MAGI2: variants seen among roughly 807,000 people sequenced by gnomAD.
MAGI2 encodes membrane associated guanylate kinase, WW and PDZ domain containing 2.
In MAGI2, 35 loss-of-function variants were observed where a neutral mutation model predicts 133.3. The observed-to-expected ratio is 0.26, with a 90% CI of 0.20 to 0.35. The LOEUF is 0.35. Ranked by LOEUF, MAGI2 falls within the 10% of genes least tolerant of loss-of-function variation. MAGI2 has a pLI of 1.00. For synonymous variants in MAGI2, 729 were observed against 710.6 expected (o/e 1.03, Z -0.41); for missense variants, 1,636 against 1,863.4 (o/e 0.88, Z 2.25).
intron 9 of MAGI2, among the ~76,000 whole-genome samples, chr7:78,286,146 G>T (rs904734710): frequency 8.6e-5 from 13 of 152,038 alleles, no homozygotes; most frequent in African/African-American, 3.1e-4. Flanking sequence ...ATTCCTTATT[G>T]TAGGTCAAGG....
At chr7:78,777,640 G>T (rs1441376399) in intron 2 of MAGI2, among the ~76,000 whole-genome samples, 1 of 152,160 alleles carries the variant, frequency 6.6e-6, no homozygotes, top group Non-Finnish European at 1.5e-5. Context: ...GTAAGTGCTA[G>T]CTTTCACCAT....
rs558653372 is a variant in MAGI2 at position 79,242,679 on chromosome 7, T to C, written c.301+210341A>G. On this transcript the variant is annotated intron_variant, in intron 1 of 21. Transcript: ENST00000354212. Reference sequence around the variant, plus strand: ...TATTCTCCATATATTAGTCATGGTTTCCATGTTGTTGAATTGTCCTTTTTT... The same window carrying C: ...TATTCTCCATATATTAGTCATGGTTCCCATGTTGTTGAATTGTCCTTTTTT... Among the ~76,000 whole-genome samples, 18 of 152,346 alleles carry C rather than the reference T, an allele frequency of 1.2e-4. 1 individual carries two copies. The South Asian group carries it at 3.7e-3, about 32-fold the overall frequency.
intron 1 of MAGI2, among the ~76,000 whole-genome samples, chr7:79,421,885 T>C (rs1846982209): frequency 2.0e-5 from 3 of 152,080 alleles, no homozygotes; most frequent in Admixed American, 2.0e-4. Flanking sequence ...TTATCATTTC[T>C]AGTCTCTATA....
chr7:79,223,009 C>G lies in MAGI2; in HGVS notation c.302-215803G>C, dbSNP rs543461357. Among the ~76,000 whole-genome samples the G allele has an allele frequency of 2.4e-4, 36 of 152,066 alleles. No individual in the cohort carries two copies. In the East Asian group the frequency reaches 6.4e-3, roughly 27 times the overall value. On this transcript the variant is annotated intron_variant, in intron 1 of 21. Coordinates refer to ENST00000354212, the MANE Select transcript of MAGI2 (RefSeq NM_012301.4). Reference sequence around the variant, plus strand: ...ACGCCATTCTCCTGCCTCTGCCTCCCGAGTAGCTGGGACTACAGGCACCCG... The same window carrying G: ...ACGCCATTCTCCTGCCTCTGCCTCCGGAGTAGCTGGGACTACAGGCACCCG...
intron 9 of MAGI2, among the ~76,000 whole-genome samples, chr7:78,328,950 T>C (rs957897979): frequency 3.3e-5 from 5 of 152,208 alleles, no homozygotes; most frequent in African/African-American, 9.6e-5. Context: ...GTTATTAACC[T>C]TGGCTTGACG....
At chr7:78,319,660 C>T (rs953803605) in intron 9 of MAGI2, among the ~76,000 whole-genome samples, 3 of 151,940 alleles carry the variant, frequency 2.0e-5, no homozygotes, top group Admixed American at 6.6e-5. Context: ...CACTAAATGC[C>T]CACAAGAGAA....
chr7:78,399,081 A>G (rs17150684), intron 6 of MAGI2, among the ~76,000 whole-genome samples: 31,150 of 152,218 alleles, frequency 0.2, 3,375 homozygotes, highest in South Asian at 0.24. Flanking sequence ...AAAAATGGAT[A>G]TTCATGACAG....
At chr7:79,278,402 T>C (rs891102986) in intron 1 of MAGI2, among the ~76,000 whole-genome samples, 1 of 152,180 alleles carries the variant, frequency 6.6e-6, no homozygotes, top group Admixed American at 6.5e-5. Flanking sequence ...TTTATAGTAA[T>C]GTAAGAACAG....
At position 78,722,066 on chromosome 7, in the gene MAGI2, C is replaced by A. The variant is rs192011293; in HGVS notation, c.419-94827G>T. Among the ~76,000 whole-genome samples, 6 of 151,120 alleles carry A rather than the reference C, an allele frequency of 4.0e-5. 1 individual carries two copies. In the East Asian group the frequency reaches 1.2e-3, roughly 29 times the overall value. ...AATAAGTATACGTAATTAACTAACA[C>A]CCATAAAAGGTATGACTCTTTAATG... On this transcript the variant is annotated intron_variant, in intron 2 of 21. Transcript: ENST00000354212.
chr7:79,210,980 G>A (rs1829450062), intron 1 of MAGI2, among the ~76,000 whole-genome samples: 1 of 151,972 alleles, frequency 6.6e-6, no homozygotes. Context: ...CATTATGTAT[G>A]TATGCATTAT....
At chr7:78,111,695 G>T (rs991537371) in intron 20 of MAGI2, among the ~76,000 whole-genome samples, 1 of 152,216 alleles carries the variant, frequency 6.6e-6, no homozygotes, top group African/African-American at 2.4e-5. Context: ...TCTGTGAGAG[G>T]CTTTTCTTTT....
At chr7:78,213,755 G>A (rs958295963) in intron 10 of MAGI2, among the ~76,000 whole-genome samples, 1 of 152,142 alleles carries the variant, frequency 6.6e-6, no homozygotes, top group Non-Finnish European at 1.5e-5. Flanking sequence ...AATCTTTGTC[G>A]ATCATGCGAC....
intron 4 of MAGI2, among the ~76,000 whole-genome samples, chr7:78,511,017 T>G (rs1795515099): frequency 6.6e-6 from 1 of 152,162 alleles, no homozygotes; most frequent in South Asian, 2.1e-4. Flanking sequence ...GATTTCTCCA[T>G]GCTTTTGTGC....
rs140395058 is a variant in MAGI2 at position 79,316,698 on chromosome 7, G to A, written c.301+136322C>T. On this transcript the variant is annotated intron_variant, in intron 1 of 21. Transcript: ENST00000354212. ...ACTAATGTTGTATCAGACCAATTCC[G>A]TCTCTTTTAACAGAATTATGGGTTA... 1.1e-3 allele frequency among the ~76,000 whole-genome samples: 161 copies of A among 152,190 alleles called. No individual in the cohort carries two copies. In the East Asian group the frequency reaches 0.011, roughly 11 times the overall value.
chr7:78,537,509 T>G (rs1167115371), intron 3 of MAGI2, among the ~76,000 whole-genome samples: 3 of 152,138 alleles, frequency 2.0e-5, no homozygotes, highest in African/African-American at 7.2e-5. Flanking sequence ...CCAACATCTA[T>G]TAGTTTTCAA....
rs143569580 is a variant in MAGI2, at chr7:78,738,597, G to C, written c.419-111358C>G. Among the ~76,000 whole-genome samples, 1,167 of 152,172 alleles carry C rather than the reference G, an allele frequency of 7.7e-3. 47 individuals are homozygous for C. The highest frequency in any genetic ancestry group is 0.057 in the East Asian group (297 of 5,178). ...TTCAAAGGGTGCATTTTATGATATT[G>C]GTATGATTAAGGATGGTGTAATGAA... On this transcript the variant is annotated intron_variant, in intron 2 of 21. Transcript: ENST00000354212.
chr7:79,145,466 A>G (rs1186923199), intron 1 of MAGI2, among the ~76,000 whole-genome samples: 2 of 152,188 alleles, frequency 1.3e-5, no homozygotes, highest in Non-Finnish European at 2.9e-5. Context: ...GAAACCACCT[A>G]CAACTAAACA....
At chr7:78,667,512 G>A (rs1171858848) in intron 2 of MAGI2, among the ~76,000 whole-genome samples, 1 of 151,314 alleles carries the variant, frequency 6.6e-6, no homozygotes, top group African/African-American at 2.4e-5. Context: ...TTAGCATTAG[G>A]TATATCTCCT....
chr7:79,038,411 T>G (rs1013022970), intron 1 of MAGI2, among the ~76,000 whole-genome samples: 1 of 152,198 alleles, frequency 6.6e-6, no homozygotes, highest in East Asian at 1.9e-4. Flanking sequence ...ATTAATTTTC[T>G]TGATGATAAT....
Sources: gnomAD v4.1 joint callset for allele counts (sites outside exome capture counted in the v4.1 genomes callset) on GRCh38, gnomAD v4.1.1 for gene constraint, MANE v1.5 for transcripts, NCBI Gene and HGNC (gene_info 2026-07-23, HGNC 2026-07-21) for gene names.